Variants in PCCA observed in about 807,000 individuals in gnomAD.
The protein encoded by PCCA is propionyl-CoA carboxylase subunit alpha.
Under a neutral mutation model 101.3 loss-of-function variants are expected in PCCA, and 74 were observed. The observed-to-expected ratio is 0.73, with a 90% CI of 0.61 to 0.89. PCCA has a LOEUF of 0.89. Among genes scored for constraint, PCCA ranks in the 40% least tolerant of loss-of-function variants. The probability of loss-of-function intolerance (pLI) is 0.00; values close to 1 mark genes in which losing one functional copy is unlikely to be tolerated. For synonymous variants in PCCA, 294 were observed against 313.6 expected (o/e 0.94, Z 0.66); for missense variants, 891 against 907.0 (o/e 0.98, Z 0.23).
intron 1 of PCCA, among the ~76,000 whole-genome samples, chr13:100,098,244 A>G (rs550532731): frequency 1.3e-5 from 2 of 152,290 alleles, no homozygotes; most frequent in East Asian, 3.9e-4. Context: ...AAATTAATAT[A>G]TTTTACTTAA....
At chr13:100,243,423 A>C (rs1192037677) in intron 8 of PCCA, among the ~76,000 whole-genome samples, 2 of 152,162 alleles carry the variant, frequency 1.3e-5, no homozygotes, top group Non-Finnish European at 2.9e-5. Flanking sequence ...TTCCCCCTTA[A>C]TCTTCAATTT....
At chr13:100,347,944 T>C (rs1396189453) in intron 18 of PCCA, among the ~76,000 whole-genome samples, 1 of 152,162 alleles carries the variant, frequency 6.6e-6, no homozygotes, top group Non-Finnish European at 1.5e-5. Flanking sequence ...AGTGTTCTTC[T>C]TCAGGAAGCA....
chr13:100,337,890 A>C lies in PCCA; in HGVS notation c.1541-2267A>C, dbSNP rs113940389. ...CATTTTACATCCTGACATAGTATGC[A>C]CATATAAACACACACAACATTTTCA... On this transcript the variant is annotated intron_variant, in intron 17 of 23. Transcript: ENST00000376285. Among the ~76,000 whole-genome samples, 385 of 152,360 alleles carry C rather than the reference A, an allele frequency of 2.5e-3. 4 individuals are homozygous for C. In the South Asian group the frequency reaches 0.028, roughly 11 times the overall value.
chr13:100,168,657 A>C (rs1391944615), intron 6 of PCCA, among the ~76,000 whole-genome samples: 1 of 152,166 alleles, frequency 6.6e-6, no homozygotes, highest in Admixed American at 6.5e-5. Flanking sequence ...AACGTAGCAG[A>C]TGCTGTTGAT....
intron 17 of PCCA, among the ~76,000 whole-genome samples, chr13:100,339,530 TTCAA>T (rs2070994897): frequency 6.6e-6 from 1 of 152,230 alleles, no homozygotes; most frequent in Non-Finnish European, 1.5e-5. Context: ...ACGCAAATTC[TTCAA>T]TCAGTCACTC....
chr13:100,425,525 T>G, intron 19 of PCCA, 108 bp from the exon 20 acceptor site: 1 of 764,162 alleles, frequency 1.3e-6, no homozygotes, highest in Non-Finnish European at 2.3e-6. Flanking sequence ...TGACAGGTTG[T>G]TTGGGAGCCA....
intron 12 of PCCA, among the ~76,000 whole-genome samples, chr13:100,300,221 A>T (rs2065952114): frequency 6.6e-6 from 1 of 152,232 alleles, no homozygotes; most frequent in African/African-American, 2.4e-5. Context: ...CGAAGGGTTG[A>T]TGCTTATTTT....
At chr13:100,502,478 A>G (rs1198701790) in intron 21 of PCCA, among the ~76,000 whole-genome samples, 4 of 152,210 alleles carry the variant, frequency 2.6e-5, no homozygotes, top group Admixed American at 2.6e-4. Context: ...AATGTCTCCT[A>G]GTCTTATTTC....
chr13:100,369,309 A>G (rs1221561808), intron 19 of PCCA, among the ~76,000 whole-genome samples: 2 of 152,224 alleles, frequency 1.3e-5, no homozygotes, highest in African/African-American at 2.4e-5. Flanking sequence ...ATTGCATTGA[A>G]ATGTCATTTT....
intron 4 of PCCA, among the ~76,000 whole-genome samples, chr13:100,120,251 A>C (rs1262535728): frequency 1.3e-5 from 2 of 150,134 alleles, no homozygotes; most frequent in Non-Finnish European, 3.0e-5. Context: ...TGATCATAGC[A>C]AACTACAGCC....
intron 4 of PCCA, among the ~76,000 whole-genome samples, chr13:100,139,463 C>G (rs1206219521): frequency 2.0e-5 from 3 of 151,674 alleles, no homozygotes; most frequent in African/African-American, 4.8e-5. Flanking sequence ...TTCTGTTGAT[C>G]AGTCTTCAGA....
At chr13:100,282,010 T>G (rs2064160935) in intron 12 of PCCA, among the ~76,000 whole-genome samples, 1 of 152,270 alleles carries the variant, frequency 6.6e-6, no homozygotes, top group Non-Finnish European at 1.5e-5. Flanking sequence ...TTTTGCCTTT[T>G]GATCTTTGTG....
chr13:100,100,749 T>C (rs991599372), intron 1 of PCCA, among the ~76,000 whole-genome samples: 3 of 152,032 alleles, frequency 2.0e-5, no homozygotes, highest in Non-Finnish European at 4.4e-5. Context: ...GTAGTTGTTC[T>C]GTTATAGTTG....
chr13:100,311,530 G>C (rs542085546), intron 16 of PCCA, among the ~76,000 whole-genome samples: 1 of 152,284 alleles, frequency 6.6e-6, no homozygotes, highest in Admixed American at 6.5e-5. Context: ...AGCACTTTGG[G>C]AGGCTGAGGA....
intron 20 of PCCA, among the ~76,000 whole-genome samples, chr13:100,427,934 G>A (rs1422242392): frequency 1.3e-5 from 2 of 152,122 alleles, no homozygotes; most frequent in Non-Finnish European, 2.9e-5. Context: ...GTACAGATAT[G>A]AACTTCTTTG....
In PCCA at chr13:100,442,424, C is replaced by T. The variant is rs550460179; in HGVS notation, c.1846-6828C>T. Among the ~76,000 whole-genome samples the T allele has an allele frequency of 1.4e-4, 21 of 152,286 alleles. No individual in the cohort carries two copies. The South Asian group carries it at 4.1e-3, about 30-fold the overall frequency. On this transcript the variant is annotated intron_variant, in intron 20 of 23. Coordinates refer to ENST00000376285, the MANE Select transcript of PCCA (RefSeq NM_000282.4). The stretch of plus-strand genomic sequence containing the variant: ...TAAGGACAGCTTATTGGTACTTATA[C>T]CTATGGTCACACATTCATTGATACA...
intron 4 of PCCA, among the ~76,000 whole-genome samples, chr13:100,132,538 G>T (rs1201931624): frequency 6.6e-6 from 1 of 152,160 alleles, no homozygotes; most frequent in Admixed American, 6.5e-5. Flanking sequence ...TGGATGCACA[G>T]GTTTTTTTAA....
At chr13:100,230,940 G>A (rs1287453499) in intron 7 of PCCA, among the ~76,000 whole-genome samples, 2 of 152,218 alleles carry the variant, frequency 1.3e-5, no homozygotes, top group East Asian at 3.9e-4. Flanking sequence ...TTGCTCTGAG[G>A]CTACAGTTCA....
chr13:100,514,420 T>G (rs2086687664), intron 21 of PCCA, among the ~76,000 whole-genome samples: 1 of 152,154 alleles, frequency 6.6e-6, no homozygotes, highest in Non-Finnish European at 1.5e-5. Context: ...AGGCTTTGAG[T>G]TACAGCAGGT....
Sources: gnomAD v4.1 joint callset for allele counts (sites outside exome capture counted in the v4.1 genomes callset) on GRCh38, gnomAD v4.1.1 for gene constraint, MANE v1.5 for transcripts, NCBI Gene and HGNC (gene_info 2026-07-23, HGNC 2026-07-21) for gene names.